ZNF519: variants seen among roughly 807,000 people sequenced by gnomAD.
ZNF519 encodes the protein zinc finger protein 519, also known as similar to Zinc finger protein 85 (Zinc finger protein HPF4) (HTF1).
In ZNF519, 7 loss-of-function variants were observed where a neutral mutation model predicts 7.4. That is an observed-to-expected ratio of 0.94 (90% CI 0.54 to 1.77). ZNF519 has a LOEUF of 1.77. ZNF519 is among the 40% of genes most tolerant of loss of function. ZNF519 has a pLI of 0.00. For missense variants in ZNF519, 586 were observed against 623.1 expected, an observed-to-expected ratio of 0.94 and a Z score of 0.63; for synonymous variants, 179 against 203.3, an observed-to-expected ratio of 0.88 and a Z score of 1.02.
chr18:14,106,457 G>C, intron 2 of ZNF519, 48 bp from the exon 3 acceptor site: 1 of 1,458,578 alleles, frequency 6.9e-7, no homozygotes, highest in Non-Finnish European at 9.1e-7. Flanking sequence ...GATTTCAGTT[G>C]AATATACTTT....
chr18:14,095,434 G>A (rs75463226), downstream of ZNF519, among the ~76,000 whole-genome samples: 2,187 of 152,282 alleles, frequency 0.014, 52 homozygotes, highest in African/African-American at 0.048. Flanking sequence ...TGTGGCCGCT[G>A]CAGTCATTGT....
rs1376019642 is a variant in ZNF519, at chr18:14,100,364, T to G, written c.*4553A>C. ...ATGTATTCATATGAAACCTAGTACA[T>G]GAATGTACATAGCACTTTTATTCAT... On this transcript the variant is annotated 3_prime_UTR_variant, in exon 3 of 3. Coordinates refer to ENST00000590202, the MANE Select transcript of ZNF519 (RefSeq NM_145287.4). 6.6e-6 allele frequency: 1 copy of G among 152,298 alleles called. No homozygotes were observed. The highest frequency in any genetic ancestry group is 1.9e-4 in the East Asian group (1 of 5,190). 9.4% of individuals were successfully genotyped at this position (152,298 alleles called of 1,614,324 possible). A position where few individuals can be genotyped will look rare whatever the true frequency, so the allele number is the denominator to read the frequency against.
intron 2 of ZNF519, chr18:14,085,142 A>G (rs2046085290): frequency 6.6e-6 from 1 of 152,178 alleles, no homozygotes; most frequent in Non-Finnish European, 1.5e-5. Context: ...AGGTCTAGTA[A>G]AATTCCCTGG....
chr18:14,117,955 G>A (rs1054001779), intron 2 of ZNF519, among the ~76,000 whole-genome samples: 1 of 152,102 alleles, frequency 6.6e-6, no homozygotes, highest in Non-Finnish European at 1.5e-5. Context: ...ATTTAAATGG[G>A]AACCCAGATC....
chr18:14,092,726 G>A (rs953782191), intron 2 of ZNF519, among the ~76,000 whole-genome samples: 3 of 151,982 alleles, frequency 2.0e-5, no homozygotes, highest in African/African-American at 7.3e-5. Context: ...GCATATATAT[G>A]TACATCCTGA....
At chr18:14,073,792 T>C (rs1209437004), downstream of ZNF519, 1 of 152,350 alleles carries the variant, frequency 6.6e-6, no homozygotes, top group East Asian at 1.9e-4. Context: ...TTATTTTGTT[T>C]AGCAGTATTT....
chr18:14,106,521 T>C lies in ZNF519; in HGVS notation c.131-112A>G, dbSNP rs2046193786. On this transcript the variant is annotated intron_variant, in intron 2 of 2. Coordinates refer to ENST00000590202, the MANE Select transcript of ZNF519 (RefSeq NM_145287.4). The stretch of plus-strand genomic sequence containing the variant: ...TGAGAACATCAGCACAATGCCATAG[T>C]AGAAAACCAAGAAAGGACAGAGCAA... 5 of 890,238 alleles carry C rather than the reference T, an allele frequency of 5.6e-6. No individual in the cohort carries two copies. The South Asian group carries it at 8.1e-5, about 14-fold the overall frequency. 55.1% of individuals were successfully genotyped at this position (890,238 alleles called of 1,614,324 possible).
At chr18:14,077,737 G>A (rs1172354409) in intron 4 of ZNF519, among the ~76,000 whole-genome samples, 1 of 151,852 alleles carries the variant, frequency 6.6e-6, no homozygotes, top group African/African-American at 2.4e-5. Flanking sequence ...GGGACATGAG[G>A]GACTGACCAC....
chr18:14,106,186 G>T lies in ZNF519; in HGVS notation c.354C>A (p.Asp118Glu), dbSNP rs767054648. The change falls in exon 3 of 3, where the codon GAC becomes GAA. Residue 118 changes from aspartate (D) to glutamate (E), a missense_variant. Physicochemically the swap from Asp to Glu is conservative, Grantham distance 45. Transcript: ENST00000590202. ...SHNKHLTVKG[D>E]KEYRIFQKKP... ...TCTTCTGAAATATTCTATATTCTTTGTCTCCTTTCACAGTTAAATGTTTGT... is the reference window on the plus strand; with the variant it reads ...TCTTCTGAAATATTCTATATTCTTTTTCTCCTTTCACAGTTAAATGTTTGT... 3 of 1,612,522 alleles carry T rather than the reference G, an allele frequency of 1.9e-6. No homozygotes were observed. The South Asian group carries it at 3.3e-5, about 18-fold the overall frequency.
At chr18:14,098,688 C>T (rs914947854), downstream of ZNF519, among the ~76,000 whole-genome samples, 7 of 152,134 alleles carry the variant, frequency 4.6e-5, no homozygotes, top group Non-Finnish European at 1.0e-4. Context: ...GGAAAAGCCA[C>T]CCAGTCTGGA....
intron 2 of ZNF519, 29 bp from the exon 3 acceptor site, chr18:14,106,438 C>G: frequency 6.6e-7 from 1 of 1,521,656 alleles, no homozygotes; most frequent in African/African-American, 1.4e-5. Flanking sequence ...ACTAATTATT[C>G]TACATACTGA....
chr18:14,106,513 T>C (rs2143129905), intron 2 of ZNF519, 104 bp from the exon 3 acceptor site: 5 of 972,672 alleles, frequency 5.1e-6, no homozygotes, highest in Non-Finnish European at 7.2e-6. Flanking sequence ...ATCAGCACAA[T>C]GCCATAGTAG....
intron 2 of ZNF519, among the ~76,000 whole-genome samples, chr18:14,088,488 G>A (rs2046100705): frequency 6.6e-6 from 1 of 152,132 alleles, no homozygotes; most frequent in Admixed American, 6.5e-5. Flanking sequence ...ATGGCTAAGT[G>A]CATATGATAC....
At chr18:14,096,122 T>G (rs2046135560), downstream of ZNF519, among the ~76,000 whole-genome samples, 1 of 152,248 alleles carries the variant, frequency 6.6e-6, no homozygotes, top group Non-Finnish European at 1.5e-5. Flanking sequence ...TGCCTGGTAC[T>G]GGGTTTTGCC....
chr18:14,116,066 TA>T lies in ZNF519; in HGVS notation c.130+8283del, dbSNP rs1293519147. Among the ~76,000 whole-genome samples, 20 of 152,334 alleles carry T rather than the reference TA, an allele frequency of 1.3e-4. No homozygotes were observed. In the East Asian group the frequency reaches 3.5e-3, roughly 26 times the overall value. ...TATTTTTTCACCAAGGTATTAAGCC[TA>T]GTACACACTAAAGATTGAATCATAT... On this transcript the variant is annotated intron_variant, in intron 2 of 2. Coordinates refer to ENST00000590202, the MANE Select transcript of ZNF519 (RefSeq NM_145287.4).
chr18:14,106,345 T>G lies in ZNF519; in HGVS notation c.195A>C (p.Lys65Asn). ...AGCTCCCATATCTTCCCAGTGTTGCTTTTTTGAATGAATCTTGTATGCCTT... is the reference window on the plus strand; with the variant it reads ...AGCTCCCATATCTTCCCAGTGTTGCGTTTTTGAATGAATCTTGTATGCCTT... ...PEQGIQDSFK[K>N]ATLGRYGSCG... Residue 65 changes from lysine to asparagine, a missense_variant, in exon 3 of 3, where the codon AAA (lysine) becomes AAC (asparagine). Transcript: ENST00000590202. 1.2e-6 allele frequency: 2 copies of G among 1,612,690 alleles called. No individual in the cohort carries two copies. The highest frequency in any genetic ancestry group is 1.7e-6 in the Non-Finnish European group (2 of 1,179,620).
At chr18:14,123,508 C>T (rs551663656) in intron 2 of ZNF519, among the ~76,000 whole-genome samples, 30 of 152,250 alleles carry the variant, frequency 2.0e-4, no homozygotes, top group Admixed American at 1.9e-3. Context: ...TGCCTGAGCT[C>T]AGGAGTTCAA....
chr18:14,117,837 A>G (rs1309222599), intron 2 of ZNF519, among the ~76,000 whole-genome samples: 1 of 152,138 alleles, frequency 6.6e-6, no homozygotes, highest in East Asian at 1.9e-4. Context: ...CAGCACAGAC[A>G]GTACCAAAGG....
At chr18:14,111,324 G>A (rs2046219731) in intron 2 of ZNF519, among the ~76,000 whole-genome samples, 1 of 151,184 alleles carries the variant, frequency 6.6e-6, no homozygotes, top group Non-Finnish European at 1.5e-5. Flanking sequence ...GTCCAACATG[G>A]CGAAACCCCG....
Sources: allele counts gnomAD v4.1 joint callset (sites outside exome capture counted in the v4.1 genomes callset), GRCh38; gene constraint gnomAD v4.1.1; transcripts MANE v1.5; gene names NCBI Gene and HGNC (gene_info 2026-07-23, HGNC 2026-07-21).